The following FAM168A variants were observed in gnomAD, a reference collection of about 807,000 sequenced individuals.
FAM168A encodes family with sequence similarity 168 member A, also known as protein FAM168A.
A neutral mutation model predicts 28.5 loss-of-function variants in FAM168A; 3 were observed. That is an observed-to-expected ratio of 0.11 (90% CI 0.05 to 0.27). FAM168A has a LOEUF of 0.27. Ranked by LOEUF, FAM168A falls within the 10% of genes least tolerant of loss-of-function variation. The pLI is 1.00. For missense variants in FAM168A, 222 were observed against 311.5 expected (o/e 0.71, Z 2.16); for synonymous variants, 122 against 124.2 (o/e 0.98, Z 0.12).
At chr11:73,552,160 AT>A (rs1297391023) in intron 1 of FAM168A, among the ~76,000 whole-genome samples, 1 of 152,224 alleles carries the variant, frequency 6.6e-6, no homozygotes, top group Admixed American at 6.5e-5. Flanking sequence ...AGGATTTGGA[AT>A]TGGACTAAAA....
intron 3 of FAM168A, among the ~76,000 whole-genome samples, chr11:73,429,787 TCCCAAATGGGA>T (rs1866951754): frequency 6.6e-6 from 1 of 152,206 alleles, no homozygotes; most frequent in Admixed American, 6.5e-5. Flanking sequence ...TATGCCAGGC[TCCCAAATGGGA>T]GCTACTTCAG....
At chr11:73,550,903 C>A (rs1943819992) in intron 1 of FAM168A, among the ~76,000 whole-genome samples, 7 of 152,030 alleles carry the variant, frequency 4.6e-5, no homozygotes. Context: ...GTCAGGAGAT[C>A]AAGACCATCC....
At chr11:73,445,404 T>C (rs555876263) in intron 2 of FAM168A, among the ~76,000 whole-genome samples, 5 of 146,526 alleles carry the variant, frequency 3.4e-5, no homozygotes, top group South Asian at 2.2e-4. Flanking sequence ...CCAGTAGATA[T>C]ATGTAAAAAT....
chr11:73,432,538 T>C (rs1458454185), intron 2 of FAM168A, among the ~76,000 whole-genome samples: 1 of 152,170 alleles, frequency 6.6e-6, no homozygotes, highest in Non-Finnish European at 1.5e-5. Flanking sequence ...ACTAACGATA[T>C]TGAGCATTTT....
At chr11:73,495,660 G>A (rs191442366) in intron 1 of FAM168A, among the ~76,000 whole-genome samples, 16 of 152,270 alleles carry the variant, frequency 1.1e-4, no homozygotes, top group South Asian at 4.1e-4. Context: ...ACCAACAAGC[G>A]TATGAAGGTA....
chr11:73,549,738 T>G lies in FAM168A; in HGVS notation c.-19+48185A>C, dbSNP rs1053440533. Among the ~76,000 whole-genome samples, 4 of 152,308 alleles carry G rather than the reference T, an allele frequency of 2.6e-5. No homozygotes were observed. The South Asian group carries it at 6.2e-4, about 24-fold the overall frequency. On this transcript the variant is annotated intron_variant, in intron 1 of 7. Coordinates refer to ENST00000356467, the MANE Select transcript of FAM168A (RefSeq NM_015159.3). The stretch of plus-strand genomic sequence containing the variant: ...CACTCATGATTTAAGTTCCATACAT[T>G]CAATGTCCCTTACAGGCTAGCATCA...
At position 73,401,722 on chromosome 11, in the gene FAM168A, C is replaced by T. The variant is rs544181403; in HGVS notation, c.*5041G>A. The T allele has an allele frequency of 4.0e-4, 61 of 152,410 alleles. 1 individual carries two copies. Among genetic ancestry groups the T allele is most frequent in the African/African-American group, 1.4e-3 (60 of 41,592 alleles). The allele number at this position is 152,410 out of a possible 1,614,324, so 9.4% of individuals were successfully genotyped here. On this transcript the variant is annotated 3_prime_UTR_variant, in exon 8 of 8. Coordinates refer to ENST00000356467, the MANE Select transcript of FAM168A (RefSeq NM_015159.3). ...GAAGCAAGTGCTGTTTTGTCCCTTT[C>T]TAGCTTTGTGGCAGCCAGTCCCAAC...
intron 3 of FAM168A, among the ~76,000 whole-genome samples, chr11:73,428,902 C>T (rs920767324): frequency 3.9e-5 from 6 of 152,186 alleles, no homozygotes; most frequent in Non-Finnish European, 7.3e-5. Context: ...TCCAAAGTAT[C>T]TTGGGCATAA....
intron 1 of FAM168A, among the ~76,000 whole-genome samples, chr11:73,497,862 T>C (rs1225999113): frequency 6.6e-6 from 1 of 152,188 alleles, no homozygotes; most frequent in Non-Finnish European, 1.5e-5. Flanking sequence ...GTAACAAACC[T>C]GCACGTTAGG....
intron 2 of FAM168A, among the ~76,000 whole-genome samples, chr11:73,440,359 A>G (rs1867171237): frequency 6.6e-6 from 1 of 152,234 alleles, no homozygotes; most frequent in African/African-American, 2.4e-5. Flanking sequence ...CTTTAAAATA[A>G]AACAGGCTGG....
chr11:73,411,452 T>A lies in FAM168A; in HGVS notation c.362A>T (p.Tyr121Phe). 1 of 1,613,280 alleles carries A rather than the reference T, an allele frequency of 6.2e-7. No homozygotes were observed. Among genetic ancestry groups the A allele is most frequent in the Non-Finnish European group, 8.5e-7 (1 of 1,179,610 alleles). The stretch of plus-strand genomic sequence containing the variant: ...TCTGATTGGATACATGGCCGTCTGA[T>A]AGGGGTTGGGTGATGGGGAGTAGGG... ...PPPYSPSPNP[Y>F]QTAMYPIRSA... is the part of the protein sequence containing the mutation. Residue 121 changes from tyrosine to phenylalanine, a missense_variant, in exon 5 of 8, where the codon TAT becomes TTT. This residue lies in a region of FAM168A where 153 missense variants were observed against 189.2 expected (regional missense o/e 0.81). Coordinates refer to ENST00000356467, the MANE Select transcript of FAM168A (RefSeq NM_015159.3).
chr11:73,538,779 T>C (rs992591939), intron 1 of FAM168A, among the ~76,000 whole-genome samples: 2 of 152,186 alleles, frequency 1.3e-5, no homozygotes, highest in Non-Finnish European at 2.9e-5. Flanking sequence ...AGTGTCTTCA[T>C]TGTCATGGCT....
At chr11:73,595,312 A>G (rs1944430546) in intron 1 of FAM168A, among the ~76,000 whole-genome samples, 1 of 152,218 alleles carries the variant, frequency 6.6e-6, no homozygotes, top group Non-Finnish European at 1.5e-5. Flanking sequence ...AATTCAAAGG[A>G]TAAGTCCAAC....
At chr11:73,450,718 T>G (rs1867412067) in intron 2 of FAM168A, among the ~76,000 whole-genome samples, 1 of 150,668 alleles carries the variant, frequency 6.6e-6, no homozygotes, top group South Asian at 2.1e-4. Flanking sequence ...TCAACTGGTT[T>G]CTTTTTATGG....
chr11:73,562,934 G>A (rs796153115), intron 1 of FAM168A, among the ~76,000 whole-genome samples: 5 of 152,220 alleles, frequency 3.3e-5, no homozygotes, highest in African/African-American at 1.2e-4. Context: ...CAATTCACAC[G>A]GGCCCCAGAG....
At chr11:73,514,352 C>A (rs920829069) in intron 1 of FAM168A, among the ~76,000 whole-genome samples, 2 of 152,084 alleles carry the variant, frequency 1.3e-5, no homozygotes, top group Non-Finnish European at 2.9e-5. Flanking sequence ...AGAAAAAAAA[C>A]TGAATCTGGT....
At position 73,582,593 on chromosome 11, in the gene FAM168A, ATAGT is replaced by A. The variant is rs112553837; in HGVS notation, c.-19+15326_-19+15329del. Among the ~76,000 whole-genome samples, 341 of 152,338 alleles carry A rather than the reference ATAGT, an allele frequency of 2.2e-3. 1 individual carries two copies. The highest frequency in any genetic ancestry group is 7.7e-3 in the African/African-American group (322 of 41,568). The stretch of plus-strand genomic sequence containing the variant: ...AAAGTCTCAATCTTTCTACCATCAA[ATAGT>A]TAAGTCAAGTCTTATATTTCAGTTG... On this transcript the variant is annotated intron_variant, in intron 1 of 7. Coordinates refer to ENST00000356467, the MANE Select transcript of FAM168A (RefSeq NM_015159.3).
chr11:73,527,702 T>C lies in FAM168A; in HGVS notation c.-18-59210A>G, dbSNP rs547637525. Among the ~76,000 whole-genome samples the C allele has an allele frequency of 3.3e-5, 5 of 152,202 alleles. No homozygotes were observed. In the South Asian group the frequency reaches 1.0e-3, roughly 32 times the overall value. ...AGTTATTAAGTAGCAGAAGGGGGTT[T>C]TGCCCAGGTGGGTTCTAGAAAAGCT... is the stretch of plus-strand genomic sequence containing the variant. On this transcript the variant is annotated intron_variant, in intron 1 of 7. Coordinates refer to ENST00000356467, the MANE Select transcript of FAM168A (RefSeq NM_015159.3).
intron 1 of FAM168A, among the ~76,000 whole-genome samples, chr11:73,510,973 A>C (rs980616749): frequency 1.3e-5 from 2 of 152,192 alleles, no homozygotes; most frequent in Non-Finnish European, 2.9e-5. Context: ...GGCTAATCAC[A>C]GGAACACTTC....
Sources: gnomAD v4.1 joint callset for allele counts (sites outside exome capture counted in the v4.1 genomes callset) on GRCh38, gnomAD v4.1.1 for gene constraint, gnomAD v4.1.1 regional missense constraint, MANE v1.5 for transcripts, NCBI Gene and HGNC (gene_info 2026-07-23, HGNC 2026-07-21) for gene names.